The following LAS1L variants were observed in gnomAD, a reference collection of about 807,000 sequenced individuals.
The protein encoded by LAS1L is ribosomal biogenesis protein LAS1L.
Under a neutral mutation model 57.3 loss-of-function variants are expected in LAS1L, and 5 were observed. The observed-to-expected ratio is 0.09, with a 90% CI of 0.05 to 0.18. The LOEUF (loss-of-function observed/expected upper bound fraction) is 0.18. Among genes scored for constraint, LAS1L ranks in the 10% least tolerant of loss-of-function variants. LAS1L has a pLI of 1.00. For missense variants in LAS1L, 360 were observed against 568.3 expected (o/e 0.63, Z 3.73); for synonymous variants, 245 against 231.7 (o/e 1.06, Z -0.52).
At position 65,534,493 on chromosome X, in the gene LAS1L, C is replaced by T. The variant is rs1400646752; in HGVS notation, c.223G>A (p.Val75Met). 1 of 1,204,331 alleles carries T rather than the reference C, an allele frequency of 8.3e-7. No individual in the cohort carries two copies. Among genetic ancestry groups the T allele is most frequent in the Non-Finnish European group, 1.1e-6 (1 of 891,413 alleles). The change falls in exon 1 of 14, where the codon GTG (valine) becomes ATG (methionine). Residue 75 changes from valine (V) to methionine (M), a missense_variant. Val to Met is a conservative substitution (Grantham distance 21, BLOSUM62 1). Around this residue, in one of 7 missense-constraint regions of LAS1L, gnomAD observed 25 missense variants for 38.2 expected, o/e 0.65. Transcript: ENST00000374811. ...CCGCCACCTTACCTGCTCCTCCACA[C>T]CGTGATGCGGTTAAGCGCGTACCGC... Reference protein sequence around the residue: ...LQRYALNRITVWRSRSGNELP... With the variant: ...LQRYALNRITMWRSRSGNELP...
rs75037028 is a variant in LAS1L at position 65,514,161 on chromosome X, G to A, written c.2078+662C>T. Among the ~76,000 whole-genome samples, 154 of 112,158 alleles carry A rather than the reference G, an allele frequency of 1.4e-3. 3 individuals are homozygous for A. In the East Asian group the frequency reaches 0.036, roughly 26 times the overall value. On this transcript the variant is annotated intron_variant, in intron 13 of 13. Transcript: ENST00000374811. ...TCTGGTCAGAATGGCCCAGCATTCT[G>A]GAATGTACAGGCCCTTTGGATGGGC...
At chrX:65,529,926 G>A in intron 4 of LAS1L, 48 bp from the exon 5 acceptor site, 1 of 1,129,747 alleles carries the variant, frequency 8.9e-7, no homozygotes, top group Non-Finnish European at 1.2e-6. Flanking sequence ...CAGGCAGCTA[G>A]CAGGCCTCCA....
At position 65,532,603 on chromosome X, in the gene LAS1L, C is replaced by T; in HGVS notation, c.390G>A (p.Lys130=). ...TGAGGGGGACCTTGGCAAACTTTGT[C>T]TTCCTCTCTGAGATAAGATTCACAA... is the stretch of plus-strand genomic sequence containing the variant. ...VRFVNLISER[K]TKFAKVPLKC... is the part of the protein sequence containing the mutation. The change falls in exon 3 of 14, where the codon AAG becomes AAA. Residue 130 remains lysine, a synonymous_variant. Transcript: ENST00000374811. 1 of 1,208,402 alleles carries T rather than the reference C, an allele frequency of 8.3e-7. No homozygotes were observed.
At chrX:65,523,464 C>G (rs1226716740) in intron 11 of LAS1L, 96 bp downstream of exon 11, 5 of 918,881 alleles carry the variant, frequency 5.4e-6, no homozygotes, top group Non-Finnish European at 7.3e-6. Context: ...CTAGACTGTC[C>G]CCAAAGGGCC....
chrX:65,520,517 T>C, intron 11 of LAS1L: 1 of 753,938 alleles, frequency 1.3e-6, no homozygotes, highest in African/African-American at 2.3e-5. Flanking sequence ...AATAATACAA[T>C]CTAGTGGAGT....
chrX:65,529,690 T>C lies in LAS1L; in HGVS notation c.703A>G (p.Ser235Gly). 8.3e-7 allele frequency: 1 copy of C among 1,211,781 alleles called. No homozygotes were observed. Residue 235 changes from serine to glycine, a missense_variant, in exon 5 of 14, where the codon AGT (serine) becomes GGT (glycine). Physicochemically the swap from Ser to Gly is moderately conservative, Grantham distance 56. Coordinates refer to ENST00000374811, the MANE Select transcript of LAS1L (RefSeq NM_031206.7). ...QKPEPQDDGK[S>G]TESDVKADGD... ...TCGGCCTTTACATCTGACTCCGTAC[T>C]TTTCCCATCATCCTGAGGCTCTGGT...
intron 12 of LAS1L, among the ~76,000 whole-genome samples, chrX:65,516,480 C>T (rs948260812): frequency 9.0e-6 from 1 of 110,664 alleles, no homozygotes; most frequent in African/African-American, 3.3e-5. Flanking sequence ...TTCCCACTAC[C>T]CCTCCATAGC....
At chrX:65,517,250 C>CT (rs397895342) in intron 12 of LAS1L, among the ~76,000 whole-genome samples, 6,330 of 83,178 alleles carry the variant, frequency 0.076, 707 homozygotes, top group African/African-American at 0.44. Context: ...TTCTTTCTTT[C>CT]TTTTTTTTTT....
At chrX:65,529,182 G>A in intron 6 of LAS1L, 30 bp downstream of exon 6, 1 of 1,156,439 alleles carries the variant, frequency 8.6e-7, no homozygotes, top group Non-Finnish European at 1.2e-6. Flanking sequence ...GGGCAGATGA[G>A]AGCACACCAA....
chrX:65,525,097 C>T (rs760169842), intron 7 of LAS1L, 47 bp from the exon 8 acceptor site: 11 of 1,018,982 alleles, frequency 1.1e-5, no homozygotes, highest in Middle Eastern at 2.6e-4. Context: ...TGGCAGAAGA[C>T]CCTCTCCTAC....
At chrX:65,532,933 T>C (rs1466925817) in intron 2 of LAS1L, among the ~76,000 whole-genome samples, 1 of 112,178 alleles carries the variant, frequency 8.9e-6, no homozygotes, top group Non-Finnish European at 1.9e-5. Flanking sequence ...TTATAAATGC[T>C]GCAAAGGACT....
At chrX:65,519,151 T>C (rs1328641109) in intron 11 of LAS1L, among the ~76,000 whole-genome samples, 1 of 111,548 alleles carries the variant, frequency 9.0e-6, no homozygotes, top group Non-Finnish European at 1.9e-5. Context: ...GAGGGCTTTG[T>C]GCAGGAGGTA....
At chrX:65,513,657 C>A (rs10126967) in intron 13 of LAS1L, among the ~76,000 whole-genome samples, 15,811 of 111,994 alleles carry the variant, frequency 0.14, 2,654 homozygotes, top group African/African-American at 0.48. Context: ...AGGGGTGGAG[C>A]TGAGACAAGA....
chrX:65,515,896 T>C (rs1194407176), intron 12 of LAS1L, among the ~76,000 whole-genome samples: 1 of 111,810 alleles, frequency 8.9e-6, no homozygotes, highest in Non-Finnish European at 1.9e-5. Context: ...TCCCCCCATA[T>C]ACAGATGCTC....
intron 12 of LAS1L, among the ~76,000 whole-genome samples, chrX:65,516,282 C>A (rs1408689022): frequency 1.8e-5 from 2 of 111,413 alleles, no homozygotes; most frequent in African/African-American, 6.6e-5. Context: ...TACAGAGACA[C>A]CTTCGTGCAC....
intron 9 of LAS1L, 48 bp from the exon 10 acceptor site, chrX:65,524,310 G>A (rs1003637820): frequency 6.1e-6 from 6 of 988,303 alleles, no homozygotes; most frequent in Non-Finnish European, 8.5e-6. Context: ...GAGAGAGAGA[G>A]CAGGAGAGCA....
chrX:65,516,169 C>G (rs751062886), intron 12 of LAS1L, among the ~76,000 whole-genome samples: 37 of 111,433 alleles, frequency 3.3e-4, no homozygotes, highest in African/African-American at 1.2e-3. Context: ...TTTATGTAAC[C>G]CAGAGCTCCT....
intron 11 of LAS1L, chrX:65,518,947 G>T (rs1406942817): frequency 2.7e-6 from 2 of 753,403 alleles, no homozygotes; most frequent in South Asian, 1.3e-4. Context: ...CTCCTTCTGC[G>T]TGGAACACAA....
chrX:65,525,162 C>A, intron 7 of LAS1L, 112 bp from the exon 8 acceptor site: 2 of 566,282 alleles, frequency 3.5e-6, no homozygotes, highest in African/African-American at 2.2e-5. Flanking sequence ...GCTGAAGCAG[C>A]ATAGGGAGGA....
Sources: allele counts gnomAD v4.1 joint callset (sites outside exome capture counted in the v4.1 genomes callset), GRCh38; gene constraint gnomAD v4.1.1; regional missense constraint gnomAD v4.1.1; transcripts MANE v1.5; gene names NCBI Gene and HGNC (gene_info 2026-07-23, HGNC 2026-07-21).